The following PRDM16 variants were observed in gnomAD, a reference collection of about 807,000 sequenced individuals.
The protein encoded by PRDM16 is histone-lysine N-methyltransferase PRDM16.
In PRDM16, 23 loss-of-function variants were observed where a neutral mutation model predicts 110.6. The observed-to-expected ratio is 0.21, with a 90% CI of 0.15 to 0.29. The LOEUF (loss-of-function observed/expected upper bound fraction) is 0.29. Ranked by LOEUF, PRDM16 falls within the 10% of genes least tolerant of loss-of-function variation. The pLI is 1.00. For synonymous variants in PRDM16, 799 were observed against 781.8 expected (o/e 1.02, Z -0.37); for missense variants, 1,615 against 1,794.3 (o/e 0.90, Z 1.81).
At chr1:3,376,044 G>A (rs1450621044) in intron 3 of PRDM16, among the ~76,000 whole-genome samples, 1 of 152,112 alleles carries the variant, frequency 6.6e-6, no homozygotes. Context: ...TGCTTTGGGG[G>A]AGATGGTCAG....
chr1:3,418,871 C>T, intron 12 of PRDM16, 127 bp downstream of exon 12: 7 of 730,648 alleles, frequency 9.6e-6, no homozygotes, highest in South Asian at 3.2e-5. Flanking sequence ...TGGGCAGGGC[C>T]GGGTGCTGAA....
In PRDM16 at chr1:3,353,592, G is replaced by C. The variant is rs1041915581; in HGVS notation, c.439-31560G>C. ...ACGGGCTGAGGGCACAGGCCACAGG[G>C]GATGAGTCCAGCCCCGCAGTGTGAC... On this transcript the variant is annotated intron_variant, in intron 3 of 16. Transcript: ENST00000270722. This position sits in a 1 kb window ranked among gnomAD's most constrained non-coding sequence, Gnocchi z 5.4. Among the ~76,000 whole-genome samples the C allele has an allele frequency of 2.0e-5, 3 of 152,190 alleles. No individual in the cohort carries two copies. The highest frequency in any genetic ancestry group is 4.4e-5 in the Non-Finnish European group (3 of 68,014).
intron 3 of PRDM16, among the ~76,000 whole-genome samples, chr1:3,260,550 T>C (rs1429414360): frequency 6.6e-6 from 1 of 151,540 alleles, no homozygotes; most frequent in Admixed American, 6.6e-5. Flanking sequence ...GGCACATGCT[T>C]GAGACTCAGA....
Position 3,096,065 on chromosome 1 carries a change from G to T in PRDM16, c.37+26769G>T, listed in dbSNP as rs544426568. ...GACCTGCCCCCTAACAGTCCTGGCTGCCTGTCACCCCTGGGGCCCTGGTGC... is the reference window on the plus strand; with the variant it reads ...GACCTGCCCCCTAACAGTCCTGGCTTCCTGTCACCCCTGGGGCCCTGGTGC... On this transcript the variant is annotated intron_variant, in intron 1 of 16. Transcript: ENST00000270722. Among the ~76,000 whole-genome samples, 295 of 152,220 alleles carry T rather than the reference G, an allele frequency of 1.9e-3. 1 individual carries two copies. The highest frequency in any genetic ancestry group is 3.1e-3 in the Non-Finnish European group (209 of 68,004).
chr1:3,168,813 A>T (rs1202306374), intron 1 of PRDM16, among the ~76,000 whole-genome samples: 1 of 152,100 alleles, frequency 6.6e-6, no homozygotes, highest in Non-Finnish European at 1.5e-5. Flanking sequence ...CATTTCCTGG[A>T]ATGCTCAGAA....
At chr1:3,090,858 C>G (rs538032512) in intron 1 of PRDM16, among the ~76,000 whole-genome samples, 1 of 152,200 alleles carries the variant, frequency 6.6e-6, no homozygotes, top group Non-Finnish European at 1.5e-5. Context: ...GGAGGCAGGA[C>G]CCTCAGGCTC....
At chr1:3,071,886 G>A (rs941881782) in intron 1 of PRDM16, among the ~76,000 whole-genome samples, 1 of 152,236 alleles carries the variant, frequency 6.6e-6, no homozygotes, top group African/African-American at 2.4e-5. Context: ...TTTCGTTTGT[G>A]TTTCCCTGGA....
At chr1:3,256,640 T>C (rs990082184) in intron 3 of PRDM16, among the ~76,000 whole-genome samples, 5 of 152,018 alleles carry the variant, frequency 3.3e-5, no homozygotes, top group Non-Finnish European at 7.4e-5. Flanking sequence ...AGGCGGATCA[T>C]GAGGTCAGGA....
At chr1:3,116,695 C>A (rs1642969833) in intron 1 of PRDM16, among the ~76,000 whole-genome samples, 1 of 152,178 alleles carries the variant, frequency 6.6e-6, no homozygotes, top group Non-Finnish European at 1.5e-5. Context: ...AGACGATGGT[C>A]AGGCTGACCT....
chr1:3,116,081 C>G (rs927384461), intron 1 of PRDM16, among the ~76,000 whole-genome samples: 1 of 152,178 alleles, frequency 6.6e-6, no homozygotes, highest in Non-Finnish European at 1.5e-5. Context: ...GCCCCTCACA[C>G]GGCAGGCGTC....
intron 3 of PRDM16, among the ~76,000 whole-genome samples, chr1:3,277,926 G>A (rs1045852874): frequency 2.6e-5 from 4 of 152,290 alleles, no homozygotes; most frequent in Admixed American, 1.3e-4. Context: ...ATGAGCACAC[G>A]CACTTTTCCA....
At chr1:3,119,402 G>A (rs950618205) in intron 1 of PRDM16, among the ~76,000 whole-genome samples, 3 of 152,236 alleles carry the variant, frequency 2.0e-5, no homozygotes, top group Admixed American at 6.5e-5. Context: ...GAGAGGATGC[G>A]GGGAGGAGGA....
At chr1:3,151,724 C>A (rs1380758105) in intron 1 of PRDM16, among the ~76,000 whole-genome samples, 1 of 152,202 alleles carries the variant, frequency 6.6e-6, no homozygotes, top group Non-Finnish European at 1.5e-5. Flanking sequence ...TAGACAAGAG[C>A]TCAGCTTCAC....
At chr1:3,319,728 C>T (rs1641697163) in intron 3 of PRDM16, among the ~76,000 whole-genome samples, 1 of 152,174 alleles carries the variant, frequency 6.6e-6, no homozygotes, top group African/African-American at 2.4e-5. Context: ...GGTCTGCTGG[C>T]CTCCAATCTG....
intron 1 of PRDM16, among the ~76,000 whole-genome samples, chr1:3,117,683 C>T (rs916659678): frequency 6.6e-6 from 1 of 152,134 alleles, no homozygotes; most frequent in Admixed American, 6.5e-5. Context: ...GGCAACCCAG[C>T]CTAGTCCAGG....
chr1:3,190,886 G>T lies in PRDM16; in HGVS notation c.387+4412G>T, dbSNP rs981868346. Among the ~76,000 whole-genome samples the T allele has an allele frequency of 6.6e-6, 1 of 152,240 alleles. No individual in the cohort carries two copies. Among genetic ancestry groups the T allele is most frequent in the African/African-American group, 2.4e-5 (1 of 41,464 alleles). ...GCGGCTGCCCGGTGACAGCCCAGAG[G>T]GAGGAGGCCATGGGTGAGGCACTGG... On this transcript the variant is annotated intron_variant, in intron 2 of 16. Transcript: ENST00000270722. The surrounding 1 kb of genome is among the most constrained non-coding windows in gnomAD (Gnocchi z 5.0).
chr1:3,419,465 A>C (rs1216590794), intron 12 of PRDM16, among the ~76,000 whole-genome samples: 1 of 152,188 alleles, frequency 6.6e-6, no homozygotes, highest in Non-Finnish European at 1.5e-5. Context: ...CGAGGCTCAG[A>C]GATGCCCCAT....
intron 2 of PRDM16, among the ~76,000 whole-genome samples, chr1:3,222,304 G>T (rs553226681): frequency 6.2e-5 from 9 of 145,912 alleles, no homozygotes; most frequent in Non-Finnish European, 1.1e-4. Context: ...TGCCCCAGCT[G>T]CTGGCCCTGA....
rs1638573077 is a variant in PRDM16, at chr1:3,425,396, G to A, written c.2940-185G>A. On this transcript the variant is annotated intron_variant, in intron 12 of 16. Coordinates refer to ENST00000270722, the MANE Select transcript of PRDM16 (RefSeq NM_022114.4). This position sits in a 1 kb window ranked among gnomAD's most constrained non-coding sequence, Gnocchi z 6.9. The stretch of plus-strand genomic sequence containing the variant: ...TCTTGAAGCCGGGGCTGTTTCTAGG[G>A]ACAGCTTCCCCAGGATGCCTTTGGC... 1.7e-6 allele frequency: 1 copy of A among 595,236 alleles called. No individual in the cohort carries two copies. Among genetic ancestry groups the A allele is most frequent in the Admixed American group, 3.2e-5 (1 of 31,098 alleles). 36.9% of individuals were successfully genotyped at this position (595,236 alleles called of 1,614,324 possible).
Sources: allele counts gnomAD v4.1 joint callset (sites outside exome capture counted in the v4.1 genomes callset), GRCh38; gene constraint gnomAD v4.1.1; non-coding constraint Gnocchi (gnomAD v3.1); transcripts MANE v1.5; gene names NCBI Gene and HGNC (gene_info 2026-07-23, HGNC 2026-07-21).